SLC23A1: variants seen among roughly 807,000 people sequenced by gnomAD.
SLC23A1 encodes Na(+)/L-ascorbic acid transporter 1.
Under a neutral mutation model 62.5 loss-of-function variants are expected in SLC23A1, and 31 were observed. The observed-to-expected ratio is 0.50, with a 90% CI of 0.37 to 0.67. The LOEUF is 0.67. SLC23A1 is among the 30% of genes least tolerant of loss of function. The probability of loss-of-function intolerance (pLI) is 0.00; values close to 1 mark genes in which losing one functional copy is unlikely to be tolerated. For synonymous variants in SLC23A1, 271 were observed against 313.2 expected (o/e 0.87, Z 1.42); for missense variants, 640 against 782.7 (o/e 0.82, Z 2.18).
At chr5:139,384,773 C>G, upstream of SLC23A1, 1 of 984,560 alleles carries the variant, frequency 1.0e-6, no homozygotes, top group Non-Finnish European at 1.2e-6. Context: ...TGCAGCCTCT[C>G]TAATCACCCC....
At chr5:139,370,380 G>A (rs112468720) in intron 14 of SLC23A1, among the ~76,000 whole-genome samples, 3,755 of 152,024 alleles carry the variant, frequency 0.025, 172 homozygotes, top group African/African-American at 0.084. Context: ...CATGTTAGCC[G>A]GGCTGGTCTT....
At chr5:139,368,199 G>C (rs1428201690) in intron 14 of SLC23A1, among the ~76,000 whole-genome samples, 1 of 152,226 alleles carries the variant, frequency 6.6e-6, no homozygotes, top group African/African-American at 2.4e-5. Context: ...TTAGCTGGGC[G>C]TGGCGGTGGG....
Position 139,378,193 on chromosome 5 carries a change from G to A in SLC23A1, c.1309+29C>T, listed in dbSNP as rs1164085310. 5 of 1,612,858 alleles carry A rather than the reference G, an allele frequency of 3.1e-6. No individual in the cohort carries two copies. Among genetic ancestry groups the A allele is most frequent in the Middle Eastern group, 1.7e-4 (1 of 6,014 alleles). On this transcript the variant is annotated intron_variant, in intron 11 of 14. Transcript: ENST00000348729. This position sits in a 1 kb window ranked among gnomAD's most constrained non-coding sequence, Gnocchi z 4.5. ...TGAGTCCCACTCGGCGACCCGCACC[G>A]CGACCCGTGGCCCGCGCCAGACACT...
rs757956698 is a variant in SLC23A1, at chr5:139,380,805, G to A, written c.390C>T (p.Pro130=). Residue 130 remains proline (P), a synonymous_variant, in exon 4 of 15, where the codon CCC becomes CCT. Coordinates refer to ENST00000348729, the MANE Select transcript of SLC23A1 (RefSeq NM_005847.5). Reference sequence around the variant, plus strand: ...CCCCAGAAGTGTACCCACCTTCCGGGGGGCATTTCCATCTCTCCAGAGCCA... The same window carrying A: ...CCCCAGAAGTGTACCCACCTTCCGGAGGGCATTTCCATCTCTCCAGAGCCA... ...AILALERWKC[P]PEEEIYGNWS... is the part of the protein sequence containing the mutation. The A allele has an allele frequency of 6.4e-7, 1 of 1,566,724 alleles. No homozygotes were observed. The highest frequency in any genetic ancestry group is 8.7e-7 in the Non-Finnish European group (1 of 1,152,092).
At chr5:139,370,987 CAG>C (rs952337113) in intron 14 of SLC23A1, among the ~76,000 whole-genome samples, 1 of 151,866 alleles carries the variant, frequency 6.6e-6, no homozygotes, top group African/African-American at 2.4e-5. Flanking sequence ...AAGGCTGAGA[CAG>C]GAGAATTGCT....
At position 139,378,812 on chromosome 5, in the gene SLC23A1, T is replaced by C; in HGVS notation, c.1074-128A>G. 2 of 705,418 alleles carry C rather than the reference T, an allele frequency of 2.8e-6. No individual in the cohort carries two copies. Among genetic ancestry groups the C allele is most frequent in the South Asian group, 3.5e-5 (2 of 57,412 alleles). 43.7% of individuals were successfully genotyped at this position (705,418 alleles called of 1,614,324 possible). A position where few individuals can be genotyped will look rare whatever the true frequency, so the allele number is the denominator to read the frequency against. On this transcript the variant is annotated intron_variant, in intron 9 of 14. Transcript: ENST00000348729. This position sits in a 1 kb window ranked among gnomAD's most constrained non-coding sequence, Gnocchi z 4.5. ...AGCTATCAGCTGTAGCACTCCCTAC[T>C]ACAGGCCAGAATGCTCAGGCTCCAG...
In SLC23A1 at chr5:139,378,439, G is replaced by A. The variant is rs991108731; in HGVS notation, c.1180-88C>T. 3.4e-6 allele frequency: 5 copies of A among 1,490,354 alleles called. No homozygotes were observed. In the African/African-American group the frequency reaches 7.0e-5, roughly 21 times the overall value. The allele number at this position is 1,490,354 out of a possible 1,614,324, so 92.3% of individuals were successfully genotyped here. On this transcript the variant is annotated intron_variant, in intron 10 of 14. Coordinates refer to ENST00000348729, the MANE Select transcript of SLC23A1 (RefSeq NM_005847.5). This position sits in a 1 kb window ranked among gnomAD's most constrained non-coding sequence, Gnocchi z 4.5. ...GGGCGGGGCCTGTTATAAGAGCGAGGCATAAACCGGCTGGGGCTTGATGCG... is the reference window on the plus strand; with the variant it reads ...GGGCGGGGCCTGTTATAAGAGCGAGACATAAACCGGCTGGGGCTTGATGCG...
At chr5:139,385,050 A>C (rs2152074925), upstream of SLC23A1, among the ~76,000 whole-genome samples, 1 of 152,236 alleles carries the variant, frequency 6.6e-6, no homozygotes, top group East Asian at 1.9e-4. Flanking sequence ...CCTAAGTCTG[A>C]ATCCCCTCCC....
intron 13 of SLC23A1, among the ~76,000 whole-genome samples, chr5:139,375,291 C>T (rs1757892959): frequency 6.6e-6 from 1 of 152,234 alleles, no homozygotes; most frequent in South Asian, 2.1e-4. Context: ...CCCAGGTCCC[C>T]TGAAACCCTC....
At chr5:139,375,987 A>C (rs1000142384) in intron 13 of SLC23A1, among the ~76,000 whole-genome samples, 1 of 152,066 alleles carries the variant, frequency 6.6e-6, no homozygotes. Context: ...TTCAAAAATT[A>C]GCCGGGCATG....
intron 14 of SLC23A1, 67 bp downstream of exon 14, chr5:139,371,920 C>A (rs1757689488): frequency 1.2e-5 from 15 of 1,265,888 alleles, no homozygotes; most frequent in East Asian, 7.3e-5. Context: ...TTTGGTTTTT[C>A]TTTGGTTAAA....
At chr5:139,382,271 G>A in intron 2 of SLC23A1, 1 of 604,664 alleles carries the variant, frequency 1.7e-6, no homozygotes, top group Non-Finnish European at 2.9e-6. Flanking sequence ...AGTCGGCTCT[G>A]CTCCCTGTCA....
At position 139,372,045 on chromosome 5, in the gene SLC23A1, T is replaced by G. The variant is rs763519757; in HGVS notation, c.1758A>C (p.Pro586=). 3.1e-6 allele frequency: 5 copies of G among 1,613,676 alleles called. No homozygotes were observed. The East Asian group carries it at 1.1e-4, about 36-fold the overall frequency. Residue 586 remains proline, a synonymous_variant, in exon 14 of 15, where the codon CCA becomes CCC. Transcript: ENST00000348729. The part of the protein sequence containing the change: ...KDQIAIPEDT[P]ENTETASVCT... ...ACACAGATGCAGTTTCTGTATTTTC[T>G]GGAGTGTCTTCTGGAATTGCAATCT...
intron 13 of SLC23A1, among the ~76,000 whole-genome samples, chr5:139,375,552 A>G (rs1757905947): frequency 6.6e-6 from 1 of 152,110 alleles, no homozygotes; most frequent in Admixed American, 6.5e-5. Flanking sequence ...TTAAAAATAG[A>G]GGCTAGGTGT....
In SLC23A1 at chr5:139,380,351, C is replaced by T. The variant is rs956627861; in HGVS notation, c.504G>A (p.Val168=). 2.5e-6 allele frequency: 4 copies of T among 1,612,568 alleles called. No homozygotes were observed. The highest frequency in any genetic ancestry group is 1.1e-5 in the South Asian group (1 of 90,712). The change falls in exon 6 of 15, where the codon GTG becomes GTA. Residue 168 remains valine, a synonymous_variant. Transcript: ENST00000348729. ...CAGGCAGCCCCAGCAGGCCAATCACCACCTCCACCACGCTGGACACCATGA... is the reference window on the plus strand; with the variant it reads ...CAGGCAGCCCCAGCAGGCCAATCACTACCTCCACCACGCTGGACACCATGA... ...GAIMVSSVVE[V]VIGLLGLPGA... is the part of the protein sequence containing the mutation.
upstream of SLC23A1, chr5:139,383,463 T>C (rs1383193459): frequency 4.7e-6 from 4 of 846,036 alleles, no homozygotes; most frequent in South Asian, 5.4e-5. Flanking sequence ...CTCTGCCACA[T>C]GTGCCCTTCC....
chr5:139,368,204 G>A lies in SLC23A1; in HGVS notation c.*20-573C>T, dbSNP rs1757404793. ...CAACAAAAAATTAGCTGGGCGTGGC[G>A]GTGGGCGCCTGTAGTCCCAGCTACT... On this transcript the variant is annotated intron_variant, in intron 14 of 14. Transcript: ENST00000348729. Among the ~76,000 whole-genome samples the A allele has an allele frequency of 2.0e-5, 3 of 152,302 alleles. No individual in the cohort carries two copies. In the South Asian group the frequency reaches 6.2e-4, roughly 32 times the overall value.
intron 3 of SLC23A1, among the ~76,000 whole-genome samples, chr5:139,381,590 G>T (rs945723398): frequency 1.5e-5 from 2 of 133,188 alleles, no homozygotes; most frequent in Non-Finnish European, 3.1e-5. Context: ...TCCAGCCTAG[G>T]CAACAAGAGC....
In SLC23A1 at chr5:139,379,784, C is replaced by T. The variant is rs1758145409; in HGVS notation, c.819G>A (p.Leu273=). Reference sequence around the variant, plus strand: ...TTGGGTCTGTGGGCAGCACGTCTGTCAAGGTCAGGACATAGCAGAGCAGCC... The same window carrying T: ...TTGGGTCTGTGGGCAGCACGTCTGTTAAGGTCAGGACATAGCAGAGCAGCC... ...TVWLLCYVLT[L]TDVLPTDPKA... The change falls in exon 8 of 15, where the codon TTG becomes TTA. Residue 273 remains leucine (L), a synonymous_variant. Transcript: ENST00000348729. The surrounding 1 kb of genome is among the most constrained non-coding windows in gnomAD (Gnocchi z 4.7). The T allele has an allele frequency of 1.2e-6, 2 of 1,614,070 alleles. No homozygotes were observed. The highest frequency in any genetic ancestry group is 1.7e-6 in the Non-Finnish European group (2 of 1,180,022).
Sources: gnomAD v4.1 joint callset for allele counts (sites outside exome capture counted in the v4.1 genomes callset) on GRCh38, gnomAD v4.1.1 for gene constraint, Gnocchi (gnomAD v3.1) non-coding constraint, MANE v1.5 for transcripts, NCBI Gene and HGNC (gene_info 2026-07-23, HGNC 2026-07-21) for gene names.